MCOLN2: variants seen among roughly 807,000 people sequenced by gnomAD.
The protein encoded by MCOLN2 is mucolipin-2.
In MCOLN2, 57 loss-of-function variants were observed where a neutral mutation model predicts 67.5. The observed-to-expected ratio is 0.84, with a 90% confidence interval of 0.68 to 1.05. The LOEUF (loss-of-function observed/expected upper bound fraction) is 1.05, where lower values mean the gene tolerates loss of function less well. MCOLN2 is among the 50% of genes least tolerant of loss of function. MCOLN2 has a pLI of 0.00. For missense variants in MCOLN2, 620 were observed against 678.8 expected, an observed-to-expected ratio of 0.91 and a Z score of 0.96; for synonymous variants, 246 against 233.3, an observed-to-expected ratio of 1.05 and a Z score of -0.50.
intron 7 of MCOLN2, among the ~76,000 whole-genome samples, chr1:84,945,662 T>C (rs1392618858): frequency 2.6e-5 from 4 of 152,234 alleles, no homozygotes; most frequent in Admixed American, 6.5e-5. Context: ...GCATCCATCA[T>C]TAACATCATC....
chr1:84,991,379 C>G (rs188021923), intron 1 of MCOLN2, among the ~76,000 whole-genome samples: 1 of 152,216 alleles, frequency 6.6e-6, no homozygotes, highest in Admixed American at 6.5e-5. Flanking sequence ...CACTCCAATT[C>G]CTACGATGAA....
intron 1 of MCOLN2, among the ~76,000 whole-genome samples, chr1:84,972,234 T>C (rs1012877459): frequency 5.3e-5 from 8 of 152,108 alleles, no homozygotes; most frequent in Middle Eastern, 3.2e-3. Flanking sequence ...CAGAAATCAA[T>C]GAAGATCTAA....
intron 1 of MCOLN2, among the ~76,000 whole-genome samples, chr1:84,982,144 G>C (rs1010590989): frequency 6.6e-6 from 1 of 151,016 alleles, no homozygotes; most frequent in Non-Finnish European, 1.5e-5. Flanking sequence ...GGGGGAAGCA[G>C]ATTTATCAAG....
intron 11 of MCOLN2, among the ~76,000 whole-genome samples, chr1:84,936,935 A>G (rs1403848589): frequency 1.3e-5 from 2 of 152,200 alleles, no homozygotes; most frequent in Admixed American, 6.5e-5. Context: ...TGTTGTGGGG[A>G]GTAAATAAGA....
intron 1 of MCOLN2, among the ~76,000 whole-genome samples, chr1:84,991,594 C>G (rs944773607): frequency 6.6e-6 from 1 of 152,118 alleles, no homozygotes; most frequent in Non-Finnish European, 1.5e-5. Context: ...CCCTAAGAAG[C>G]CCCCTGAAGA....
rs1302903284 is a variant in MCOLN2 at position 84,987,431 on chromosome 1, C to T, written c.77+9365G>A. Among the ~76,000 whole-genome samples the T allele has an allele frequency of 5.6e-4, 55 of 97,706 alleles. 1 individual carries two copies. The highest frequency in any genetic ancestry group is 2.0e-3 in the African/African-American group (39 of 19,768). 64.1% of individuals were successfully genotyped at this position (97,706 alleles called of 152,430 possible). ...ATTTATATATGTATATACCTATATA[C>T]GTATATAGATATATACATATATACA... On this transcript the variant is annotated intron_variant, in intron 1 of 13. Transcript: ENST00000370608.
intron 1 of MCOLN2, among the ~76,000 whole-genome samples, chr1:84,987,484 ATATACATATGTATACATAGATG>A (rs1201483777): frequency 1.5e-4 from 3 of 19,618 alleles, no homozygotes; most frequent in Non-Finnish European, 2.6e-4. Flanking sequence ...ATATATACAT[ATATACATATGTATACATAGATG>A]TATACATATG....
intron 1 of MCOLN2, among the ~76,000 whole-genome samples, chr1:84,992,040 T>A (rs1035511771): frequency 2.0e-5 from 3 of 152,202 alleles, no homozygotes; most frequent in African/African-American, 7.2e-5. Flanking sequence ...CATTTTTTCC[T>A]CAAAGCATTG....
At chr1:84,970,662 A>C (rs905171904) in intron 1 of MCOLN2, among the ~76,000 whole-genome samples, 1 of 152,166 alleles carries the variant, frequency 6.6e-6, no homozygotes, top group African/African-American at 2.4e-5. Context: ...CAGCCTGGGC[A>C]ACAGAGCAAG....
At chr1:84,944,968 T>C (rs1302763602) in intron 7 of MCOLN2, among the ~76,000 whole-genome samples, 2 of 152,178 alleles carry the variant, frequency 1.3e-5, no homozygotes, top group Admixed American at 6.5e-5. Context: ...CAAACATAAG[T>C]TTTTTAAGGC....
chr1:84,970,282 C>A (rs1161188355), intron 1 of MCOLN2, among the ~76,000 whole-genome samples: 1 of 150,670 alleles, frequency 6.6e-6, no homozygotes, highest in Admixed American at 6.6e-5. Context: ...CCAACACACA[C>A]ACACACAGCC....
intron 4 of MCOLN2, among the ~76,000 whole-genome samples, chr1:84,953,587 CT>C (rs1648624284): frequency 6.6e-6 from 1 of 150,604 alleles, no homozygotes; most frequent in South Asian, 2.1e-4. Context: ...TTGGGGAAAT[CT>C]GGATGAAGGC....
intron 2 of MCOLN2, among the ~76,000 whole-genome samples, chr1:84,965,309 G>T (rs1208680100): frequency 6.6e-6 from 1 of 152,156 alleles, no homozygotes; most frequent in Non-Finnish European, 1.5e-5. Context: ...CCTCCCCACA[G>T]ATCTGCATTT....
chr1:84,934,319 C>T (rs1647310932), intron 11 of MCOLN2, among the ~76,000 whole-genome samples: 1 of 37,416 alleles, frequency 2.7e-5, no homozygotes. Flanking sequence ...TGGGTATTTC[C>T]ATAAAGAGTC....
rs566878730 is a variant in MCOLN2 at position 84,931,461 on chromosome 1, C to G, written c.1443G>C (p.Leu481=). ...AGGAATATAAATACAGACGACTGAACAGCCACACCAAGATGCTCTTCTGCT... is the reference window on the plus strand; with the variant it reads ...AGGAATATAAATACAGACGACTGAAGAGCCACACCAAGATGCTCTTCTGCT... The part of the protein sequence containing the change: ...QIQQKSILVW[L]FSRLYLYSFI... Residue 481 remains leucine, a synonymous_variant, in exon 12 of 14, where the codon CTG becomes CTC. Transcript: ENST00000370608. The G allele has an allele frequency of 3.1e-6, 5 of 1,612,842 alleles. No homozygotes were observed. Among genetic ancestry groups the G allele is most frequent in the Non-Finnish European group, 4.2e-6 (5 of 1,179,018 alleles).
In MCOLN2 at chr1:84,993,619, C is replaced by CT. The variant is rs869075778; in HGVS notation, c.77+3176dup. 9.9e-3 allele frequency among the ~76,000 whole-genome samples: 1,167 copies of CT among 118,446 alleles called. 8 individuals carry two copies. The highest frequency in any genetic ancestry group is 0.011 in the Non-Finnish European group (634 of 56,728). The allele number at this position is 118,446 out of a possible 152,430, so 77.7% of individuals were successfully genotyped here. On this transcript the variant is annotated intron_variant, in intron 1 of 13. Coordinates refer to ENST00000370608, the MANE Select transcript of MCOLN2 (RefSeq NM_153259.4). ...ACAAAATGTAGTTCTTAAATAATGTCTTTTTTTTTTTTTTTTTTTTTTGAG... is the reference window on the plus strand; with the variant it reads ...ACAAAATGTAGTTCTTAAATAATGTCTTTTTTTTTTTTTTTTTTTTTTTGAG...
chr1:84,949,638 C>A (rs1393872230), intron 6 of MCOLN2, among the ~76,000 whole-genome samples: 2 of 151,984 alleles, frequency 1.3e-5, no homozygotes, highest in Non-Finnish European at 2.9e-5. Context: ...GAGCAAGACT[C>A]CGTCTCAAAA....
chr1:84,978,811 C>T lies in MCOLN2; in HGVS notation c.78-13103G>A, dbSNP rs568243156. 1.5e-4 allele frequency among the ~76,000 whole-genome samples: 23 copies of T among 151,704 alleles called. No individual in the cohort carries two copies. In the East Asian group the frequency reaches 1.9e-3, roughly 13 times the overall value. On this transcript the variant is annotated intron_variant, in intron 1 of 13. Transcript: ENST00000370608. ...GTATATGTGTATAAATATATATATA[C>T]ACACACACACATATACATATATACA...
At chr1:84,942,363 G>A (rs1022005344) in intron 7 of MCOLN2, among the ~76,000 whole-genome samples, 3 of 152,172 alleles carry the variant, frequency 2.0e-5, no homozygotes, top group Non-Finnish European at 4.4e-5. Context: ...GCCTGGCTCT[G>A]AATCTCAGCT....
Sources: gnomAD v4.1 joint callset for allele counts (sites outside exome capture counted in the v4.1 genomes callset) on GRCh38, gnomAD v4.1.1 for gene constraint, MANE v1.5 for transcripts, NCBI Gene and HGNC (gene_info 2026-07-23, HGNC 2026-07-21) for gene names.